Variants in B3GALT1 observed in about 807,000 individuals in gnomAD.
B3GALT1 encodes the protein beta-1,3-galactosyltransferase 1.
A neutral mutation model predicts 23.2 loss-of-function variants in B3GALT1; 10 were observed. The ratio of observed to expected loss-of-function variants is 0.43; its 90% confidence interval spans 0.27 to 0.73. The LOEUF (loss-of-function observed/expected upper bound fraction) is 0.73, where lower values mean the gene tolerates loss of function less well. Ranked by LOEUF, B3GALT1 falls within the 30% of genes least tolerant of loss-of-function variation. B3GALT1 has a pLI of 0.21. For missense variants in B3GALT1, 299 were observed against 405.4 expected (o/e 0.74, Z 2.25); for synonymous variants, 156 against 141.5 (o/e 1.10, Z -0.73).
chr2:167,526,119 T>G (rs1418046293), intron 2 of B3GALT1, among the ~76,000 whole-genome samples: 2 of 152,114 alleles, frequency 1.3e-5, no homozygotes, highest in African/African-American at 4.8e-5. Flanking sequence ...AAAATCTGGA[T>G]ACTGTTTATG....
At chr2:167,373,687 G>A (rs1026365079) in intron 1 of B3GALT1, among the ~76,000 whole-genome samples, 10 of 152,158 alleles carry the variant, frequency 6.6e-5, no homozygotes, top group Non-Finnish European at 4.4e-5. Flanking sequence ...AGTGTTCTGA[G>A]TAGCTGAGAT....
chr2:167,771,572 A>G (rs886171285), intron 3 of B3GALT1, among the ~76,000 whole-genome samples: 1 of 152,250 alleles, frequency 6.6e-6, no homozygotes, highest in Non-Finnish European at 1.5e-5. Flanking sequence ...CTCCGTCTCA[A>G]AAAAACAAAA....
At chr2:167,409,831 A>G (rs1325010020) in intron 1 of B3GALT1, among the ~76,000 whole-genome samples, 1 of 151,934 alleles carries the variant, frequency 6.6e-6, no homozygotes, top group Non-Finnish European at 1.5e-5. Context: ...TCTTGGTGGG[A>G]GTGTAAATTA....
chr2:167,851,250 A>T (rs928989831), intron 4 of B3GALT1, among the ~76,000 whole-genome samples: 5 of 152,120 alleles, frequency 3.3e-5, no homozygotes, highest in South Asian at 2.1e-4. Context: ...TACAAGAATT[A>T]AAAAAAATAC....
At chr2:167,479,288 T>C (rs1384850445) in intron 1 of B3GALT1, among the ~76,000 whole-genome samples, 1 of 152,132 alleles carries the variant, frequency 6.6e-6, no homozygotes, top group Non-Finnish European at 1.5e-5. Context: ...GCATTTATTA[T>C]TTTTATCTAG....
At chr2:167,458,019 TA>T (rs1234588990) in intron 1 of B3GALT1, among the ~76,000 whole-genome samples, 1 of 152,170 alleles carries the variant, frequency 6.6e-6, no homozygotes, top group Non-Finnish European at 1.5e-5. Context: ...TCAATGTTAT[TA>T]AATACATTTA....
At chr2:167,421,963 C>G (rs1698551843) in intron 1 of B3GALT1, among the ~76,000 whole-genome samples, 1 of 151,976 alleles carries the variant, frequency 6.6e-6, no homozygotes, top group Non-Finnish European at 1.5e-5. Context: ...AAAAGGCAAC[C>G]CTAAAATCAG....
At chr2:167,590,345 CAAA>C (rs397873377) in intron 2 of B3GALT1, among the ~76,000 whole-genome samples, 16 of 78,260 alleles carry the variant, frequency 2.0e-4, no homozygotes, top group East Asian at 1.4e-3. Context: ...GACTCTGTCT[CAAA>C]AAAAAAAAAA....
At chr2:167,845,204 G>C (rs762262344) in intron 4 of B3GALT1, among the ~76,000 whole-genome samples, 1 of 152,064 alleles carries the variant, frequency 6.6e-6, no homozygotes, top group Non-Finnish European at 1.5e-5. Context: ...GGAGTTCTAG[G>C]GCCCCACCCA....
At chr2:167,710,570 T>A (rs1426591232) in intron 3 of B3GALT1, among the ~76,000 whole-genome samples, 1 of 152,186 alleles carries the variant, frequency 6.6e-6, no homozygotes, top group African/African-American at 2.4e-5. Context: ...CCTCGATGTA[T>A]GAGAGACCAA....
At chr2:167,831,658 C>G (rs925358492) in intron 4 of B3GALT1, among the ~76,000 whole-genome samples, 9 of 152,186 alleles carry the variant, frequency 5.9e-5, no homozygotes, top group African/African-American at 2.2e-4. Context: ...AGGTGGATTA[C>G]TAAGTGCTTT....
intron 2 of B3GALT1, among the ~76,000 whole-genome samples, chr2:167,605,288 G>T (rs1342204306): frequency 6.6e-6 from 1 of 152,198 alleles, no homozygotes; most frequent in Non-Finnish European, 1.5e-5. Flanking sequence ...AAACGTAGTG[G>T]CTTCAAAAAA....
At chr2:167,517,792 A>G (rs547513380) in intron 2 of B3GALT1, among the ~76,000 whole-genome samples, 1 of 152,200 alleles carries the variant, frequency 6.6e-6, no homozygotes, top group Admixed American at 6.5e-5. Flanking sequence ...AATTCCACAG[A>G]CAATACAGTG....
intron 2 of B3GALT1, among the ~76,000 whole-genome samples, chr2:167,547,522 C>T (rs571351412): frequency 6.6e-6 from 1 of 151,954 alleles, no homozygotes; most frequent in East Asian, 2.0e-4. Context: ...TGGCAAAACC[C>T]CTCTCTACTA....
At chr2:167,356,016 A>G (rs146601228) in intron 1 of B3GALT1, among the ~76,000 whole-genome samples, 1 of 152,322 alleles carries the variant, frequency 6.6e-6, no homozygotes, top group Non-Finnish European at 1.5e-5. Flanking sequence ...TAATGTTTAC[A>G]GCAACTGAGC....
rs182994538 is a variant in B3GALT1 at position 167,562,965 on chromosome 2, G to A, written c.-410+72688G>A. 1.3e-3 allele frequency among the ~76,000 whole-genome samples: 204 copies of A among 152,176 alleles called. 3 individuals carry two copies. Among genetic ancestry groups the A allele is most frequent in the African/African-American group, 4.2e-3 (173 of 41,520 alleles). ...ATGTTTCAGAGAGCACAGGGTTGGG[G>A]GCAAGGTCACCGATCAACAGGATCC... is the stretch of plus-strand genomic sequence containing the variant. On this transcript the variant is annotated intron_variant, in intron 2 of 4. Transcript: ENST00000392690.
chr2:167,338,157 A>G (rs1009600857), intron 1 of B3GALT1, among the ~76,000 whole-genome samples: 1 of 152,212 alleles, frequency 6.6e-6, no homozygotes, highest in African/African-American at 2.4e-5. Context: ...ATGGTCACAC[A>G]CAACAGCCAA....
intron 2 of B3GALT1, among the ~76,000 whole-genome samples, chr2:167,521,005 T>C (rs901086824): frequency 6.6e-6 from 1 of 152,108 alleles, no homozygotes; most frequent in Non-Finnish European, 1.5e-5. Context: ...TAAATTGACA[T>C]AGATGGTCTG....
chr2:167,805,854 A>G (rs1376588436), intron 3 of B3GALT1, among the ~76,000 whole-genome samples: 1 of 152,128 alleles, frequency 6.6e-6, no homozygotes, highest in Admixed American at 6.6e-5. Flanking sequence ...GTTTCTTCCA[A>G]TTGTGTGAAG....
Sources: allele counts gnomAD v4.1 joint callset (sites outside exome capture counted in the v4.1 genomes callset), GRCh38; gene constraint gnomAD v4.1.1; transcripts MANE v1.5; gene names NCBI Gene and HGNC (gene_info 2026-07-23, HGNC 2026-07-21).